Variants in SNTG2 observed in about 807,000 individuals in gnomAD.
SNTG2 encodes syntrophin gamma 2.
A neutral mutation model predicts 70.9 loss-of-function variants in SNTG2; 74 were observed. The ratio of observed to expected loss-of-function variants is 1.04; its 90% CI spans 0.86 to 1.27. The LOEUF is 1.27. Ranked by LOEUF, SNTG2 falls within the 50% of genes most tolerant of loss-of-function variation. The pLI is 0.00. For synonymous variants in SNTG2, 278 were observed against 273.8 expected (o/e 1.02, Z -0.15); for missense variants, 717 against 690.7 (o/e 1.04, Z -0.43).
intron 1 of SNTG2, among the ~76,000 whole-genome samples, chr2:954,713 C>G (rs1660089126): frequency 6.6e-6 from 1 of 152,204 alleles, no homozygotes; most frequent in Non-Finnish European, 1.5e-5. Context: ...GCCTGTGGCT[C>G]TTCATCCCCT....
intron 1 of SNTG2, among the ~76,000 whole-genome samples, chr2:1,062,631 A>G (rs982488163): frequency 8.5e-5 from 13 of 152,152 alleles, no homozygotes; most frequent in African/African-American, 3.1e-4. Flanking sequence ...TTGGGCACCA[A>G]CTCTACCTTA....
intron 8 of SNTG2, among the ~76,000 whole-genome samples, chr2:1,186,300 A>C (rs994573232): frequency 6.6e-6 from 1 of 152,216 alleles, no homozygotes; most frequent in Non-Finnish European, 1.5e-5. Context: ...GGAAGTTTCA[A>C]ACATTCACTT....
intron 1 of SNTG2, among the ~76,000 whole-genome samples, chr2:1,077,007 T>A (rs968031246): frequency 3.9e-5 from 6 of 152,228 alleles, no homozygotes; most frequent in African/African-American, 1.4e-4. Flanking sequence ...ATCATACTCT[T>A]CTGCTTTTCA....
chr2:1,231,885 A>G (rs1676276126), intron 9 of SNTG2, among the ~76,000 whole-genome samples: 1 of 152,318 alleles, frequency 6.6e-6, no homozygotes, highest in Non-Finnish European at 1.5e-5. Flanking sequence ...GGTGGAATGA[A>G]CAAATGCAGG....
chr2:997,273 G>C (rs2147984089), intron 1 of SNTG2, among the ~76,000 whole-genome samples: 1 of 152,322 alleles, frequency 6.6e-6, no homozygotes, highest in South Asian at 2.1e-4. Context: ...CTTATGAACA[G>C]AAGCCTGGAT....
intron 11 of SNTG2, 124 bp downstream of exon 11, chr2:1,239,900 G>A (rs1676938668): frequency 8.2e-7 from 1 of 1,222,200 alleles, no homozygotes; most frequent in Admixed American, 2.0e-5. Flanking sequence ...TGAAAATGTT[G>A]ATAGGAAAAC....
chr2:1,321,798 A>G (rs755048513), intron 16 of SNTG2, among the ~76,000 whole-genome samples: 5 of 151,756 alleles, frequency 3.3e-5, no homozygotes, highest in Non-Finnish European at 7.4e-5. Context: ...CCCTTCCCTA[A>G]TACAGATCTG....
At chr2:1,127,100 A>G (rs1667741680) in intron 4 of SNTG2, among the ~76,000 whole-genome samples, 1 of 141,810 alleles carries the variant, frequency 7.1e-6, no homozygotes, top group Non-Finnish European at 1.5e-5. Context: ...TGGGTCTTAC[A>G]TTTAGATCTT....
intron 4 of SNTG2, among the ~76,000 whole-genome samples, chr2:1,110,608 G>A (rs140797722): frequency 3.3e-5 from 5 of 152,150 alleles, no homozygotes; most frequent in Admixed American, 3.3e-4. Flanking sequence ...GCAGAGACTT[G>A]AGCAGCTGAG....
chr2:991,177 A>T (rs1661478330), intron 1 of SNTG2, among the ~76,000 whole-genome samples: 1 of 152,166 alleles, frequency 6.6e-6, no homozygotes, highest in South Asian at 2.1e-4. Context: ...CCAGATGGCA[A>T]TTGTGTTGTT....
chr2:1,307,954 C>G (rs926472708), intron 14 of SNTG2, among the ~76,000 whole-genome samples: 1 of 152,198 alleles, frequency 6.6e-6, no homozygotes, highest in South Asian at 2.1e-4. Flanking sequence ...CCTTCTCGCA[C>G]CGTGTGACCG....
chr2:1,046,870 G>A (rs117522531), intron 1 of SNTG2, among the ~76,000 whole-genome samples: 19 of 152,052 alleles, frequency 1.2e-4, no homozygotes, highest in Admixed American at 1.0e-3. Flanking sequence ...CCTCTCAGGG[G>A]TCCTCTGAAT....
In SNTG2 at chr2:1,165,716, G is replaced by T. The variant is rs909694657; in HGVS notation, c.499+81G>T. ...TTATTTATCCAAATGCTACCACATG[G>T]ACTGGGATATTAATCATTTGCTGAG... On this transcript the variant is annotated intron_variant, in intron 7 of 16. Coordinates refer to ENST00000308624, the MANE Select transcript of SNTG2 (RefSeq NM_018968.4). 5.9e-6 allele frequency: 7 copies of T among 1,178,804 alleles called. No homozygotes were observed. In the African/African-American group the frequency reaches 9.2e-5, roughly 15 times the overall value. 73.0% of individuals were successfully genotyped at this position (1,178,804 alleles called of 1,614,324 possible).
At chr2:1,256,944 T>A (rs1456038025) in intron 12 of SNTG2, among the ~76,000 whole-genome samples, 1 of 149,212 alleles carries the variant, frequency 6.7e-6, no homozygotes, top group African/African-American at 2.5e-5. Context: ...AGAACAATGA[T>A]GAGAAAGACC....
At chr2:1,297,047 A>G (rs369330268) in intron 14 of SNTG2, among the ~76,000 whole-genome samples, 1 of 152,180 alleles carries the variant, frequency 6.6e-6, no homozygotes, top group Non-Finnish European at 1.5e-5. Flanking sequence ...GGGATGTTTC[A>G]GGGGCATGTC....
chr2:1,032,486 G>A (rs575709851), intron 1 of SNTG2, among the ~76,000 whole-genome samples: 143 of 152,286 alleles, frequency 9.4e-4, no homozygotes, highest in African/African-American at 3.2e-3. Flanking sequence ...GGGAACTCAG[G>A]TAATGGGTAA....
chr2:1,071,121 C>T (rs977786298), intron 1 of SNTG2, among the ~76,000 whole-genome samples: 23 of 152,192 alleles, frequency 1.5e-4, no homozygotes, highest in African/African-American at 5.5e-4. Context: ...CATTGTCTCA[C>T]TTCTACCTTA....
At chr2:1,216,780 T>G (rs1250909017) in intron 9 of SNTG2, among the ~76,000 whole-genome samples, 1 of 152,208 alleles carries the variant, frequency 6.6e-6, no homozygotes, top group Non-Finnish European at 1.5e-5. Flanking sequence ...TGAATTGTAA[T>G]CTTCATGATC....
intron 11 of SNTG2, among the ~76,000 whole-genome samples, chr2:1,245,528 G>C (rs1677372529): frequency 6.6e-6 from 1 of 152,188 alleles, no homozygotes; most frequent in Non-Finnish European, 1.5e-5. Context: ...CACTGCACTT[G>C]TGCAGTAGTG....
Sources: allele counts gnomAD v4.1 joint callset (sites outside exome capture counted in the v4.1 genomes callset), GRCh38; gene constraint gnomAD v4.1.1; transcripts MANE v1.5; gene names NCBI Gene and HGNC (gene_info 2026-07-23, HGNC 2026-07-21).